The following TRPM5 variants were observed in gnomAD, a reference collection of about 807,000 sequenced individuals.
TRPM5 encodes MLSN1 and TRP-related.
In TRPM5, 121 loss-of-function variants were observed where a neutral mutation model predicts 124.9. That is an observed-to-expected ratio of 0.97 (90% CI 0.84 to 1.13). The LOEUF is 1.13. TRPM5 is among the 50% of genes most tolerant of loss of function. The pLI, the probability that TRPM5 is intolerant of heterozygous loss-of-function variation, is 0.00. For missense variants in TRPM5, 1,643 were observed against 1,589.1 expected, an observed-to-expected ratio of 1.03 and a Z score of -0.58; for synonymous variants, 781 against 700.5, an observed-to-expected ratio of 1.11 and a Z score of -1.81.
chr11:2,429,667 G>T, the TRPM5 span, among the ~76,000 whole-genome samples: 1 of 151,244 alleles, frequency 6.6e-6, no homozygotes, highest in Admixed American at 6.6e-5. The surrounding 1 kb of genome is among the most constrained non-coding windows in gnomAD (Gnocchi z 8.4). Flanking sequence ...ATCAGTGTGG[G>T]TGATGTAGTG....
chr11:2,412,500 T>A (rs1850473180), intron 15 of TRPM5, among the ~76,000 whole-genome samples: 1 of 152,244 alleles, frequency 6.6e-6, no homozygotes, highest in Non-Finnish European at 1.5e-5. Flanking sequence ...ATGCAGTGTC[T>A]GGACTCAGTC....
At chr11:2,409,073 C>T (rs752157406) in intron 18 of TRPM5, among the ~76,000 whole-genome samples, 16 of 151,882 alleles carry the variant, frequency 1.1e-4, no homozygotes, top group East Asian at 9.6e-4. Context: ...TGGAGGGGTC[C>T]GTTCTCCCTC....
At chr11:2,441,122 C>T in the TRPM5 span, among the ~76,000 whole-genome samples, 1 of 152,210 alleles carries the variant, frequency 6.6e-6, no homozygotes, top group Non-Finnish European at 1.5e-5. The surrounding 1 kb of genome is among the most constrained non-coding windows in gnomAD (Gnocchi z 7.2). Flanking sequence ...GAGAGGGTTG[C>T]CTTCCTGTTC....
upstream of TRPM5, among the ~76,000 whole-genome samples, chr11:2,427,715 T>C (rs1001610310): frequency 6.6e-6 from 1 of 152,242 alleles, no homozygotes; most frequent in African/African-American, 2.4e-5. Context: ...TGGCGATGTC[T>C]GGCGGGGTGG....
At chr11:2,407,794 A>C in exon 19 of TRPM5, 1 of 1,613,896 alleles carries the variant, frequency 6.2e-7, no homozygotes, top group Non-Finnish European at 8.5e-7. Context: ...TGAGCAGCAC[A>C]TTGGTGACCA....
At chr11:2,427,693 C>T (rs1466845584), upstream of TRPM5, among the ~76,000 whole-genome samples, 3 of 152,264 alleles carry the variant, frequency 2.0e-5, no homozygotes, top group African/African-American at 4.8e-5. Context: ...AGATTGCTGT[C>T]GTTGCCTCCT....
At chr11:2,415,600 C>T in intron 8 of TRPM5, 129 bp from the exon 14 acceptor site, 3 of 693,738 alleles carry the variant, frequency 4.3e-6, no homozygotes, top group Non-Finnish European at 4.7e-6. Context: ...CGCAGACCCT[C>T]TCGCTCTCCT....
chr11:2,409,223 C>T (rs1850391231), intron 18 of TRPM5, among the ~76,000 whole-genome samples: 1 of 152,192 alleles, frequency 6.6e-6, no homozygotes, highest in Admixed American at 6.5e-5. Context: ...AGGCCTGCCC[C>T]TCCTCTGTCC....
At chr11:2,426,478 G>A (rs908284300), upstream of TRPM5, among the ~76,000 whole-genome samples, 1 of 152,092 alleles carries the variant, frequency 6.6e-6, no homozygotes, top group Non-Finnish European at 1.5e-5. Context: ...GACAGCCAGG[G>A]GCCATCGTGA....
chr11:2,442,631 T>G, the TRPM5 span, among the ~76,000 whole-genome samples: 1 of 152,196 alleles, frequency 6.6e-6, no homozygotes, highest in Non-Finnish European at 1.5e-5. This position sits in a 1 kb window ranked among gnomAD's most constrained non-coding sequence, Gnocchi z 5.9. Context: ...TTCCTAGAAG[T>G]GGGGTTTCTG....
upstream of TRPM5, among the ~76,000 whole-genome samples, chr11:2,424,694 T>TC (rs1219428030): frequency 2.6e-5 from 4 of 152,214 alleles, no homozygotes; most frequent in African/African-American, 9.6e-5. Context: ...AGGATCCCCC[T>TC]CGAGGGCTTG....
At position 2,413,599 on chromosome 11, in the gene TRPM5, G is replaced by T; in HGVS notation, c.1891-11C>A. The T allele has an allele frequency of 6.2e-7, 1 of 1,610,032 alleles. No individual in the cohort carries two copies. Among genetic ancestry groups the T allele is most frequent in the Non-Finnish European group, 8.5e-7 (1 of 1,178,252 alleles). ...CCTGGTCAGGAAGGCCTGAGGTGAA[G>T]GCAAAACTGTCGGCTCCAACTCTGC... is the stretch of plus-strand genomic sequence containing the variant. On this transcript the variant is annotated splice_polypyrimidine_tract_variant and intron_variant, in intron 12 of 23. Transcript: ENST00000155858.
upstream of TRPM5, among the ~76,000 whole-genome samples, chr11:2,427,390 C>A (rs1234804955): frequency 1.3e-5 from 2 of 152,232 alleles, no homozygotes; most frequent in African/African-American, 4.8e-5. Flanking sequence ...CGTCTGCCTA[C>A]CTTGCAGGGT....
exon 15 of TRPM5, chr11:2,412,882 A>G: frequency 1.9e-6 from 3 of 1,598,214 alleles, no homozygotes; most frequent in Non-Finnish European, 8.5e-7. Flanking sequence ...AGGAAGGCGA[A>G]GTACATGACC....
intron 12 of TRPM5, 46 bp downstream of exon 17, chr11:2,414,015 C>CCCCCCCCCCCCCCCCCCCCA: frequency 1.3e-6 from 1 of 752,952 alleles, no homozygotes; most frequent in Non-Finnish European, 2.1e-6. Flanking sequence ...GCTCGCCCGC[C>CCCCCCCCCCCCCCCCCCCCA]CACCCCACCC....
In TRPM5 at chr11:2,414,703, C is replaced by A; in HGVS notation, c.1744+12G>T. 2.0e-6 allele frequency: 3 copies of A among 1,529,950 alleles called. No homozygotes were observed. The highest frequency in any genetic ancestry group is 8.8e-7 in the Non-Finnish European group (1 of 1,138,462). The allele number at this position is 1,529,950 out of a possible 1,614,324, so 94.8% of individuals were successfully genotyped here. ...CCGCGCGCGGGCCCGGCCCCAGCCG[C>A]CGGTCACTCACCAAGGGCCAGCCGC... On this transcript the variant is annotated intron_variant, in intron 11 of 23. Transcript: ENST00000155858.
At chr11:2,406,732 C>T (rs1850331013) in exon 21 of TRPM5, 2 of 1,613,592 alleles carry the variant, frequency 1.2e-6, no homozygotes, top group East Asian at 4.5e-5. Context: ...TCAGGAAGTT[C>T]TCCTTCTGGA....
At chr11:2,425,868 C>T (rs1260441742), upstream of TRPM5, among the ~76,000 whole-genome samples, 3 of 152,206 alleles carry the variant, frequency 2.0e-5, no homozygotes, top group Admixed American at 6.5e-5. Context: ...CCCCATGACT[C>T]TTAGGCCATA....
the TRPM5 span, among the ~76,000 whole-genome samples, chr11:2,441,178 G>A: frequency 1.3e-5 from 2 of 152,158 alleles, no homozygotes; most frequent in Admixed American, 6.5e-5. The surrounding 1 kb of genome is among the most constrained non-coding windows in gnomAD (Gnocchi z 7.2). Context: ...GGACAGCCAG[G>A]GCTGGACATG....
Sources: gnomAD v4.1 joint callset for allele counts (sites outside exome capture counted in the v4.1 genomes callset) on GRCh38, gnomAD v4.1.1 for gene constraint, Gnocchi (gnomAD v3.1) non-coding constraint, MANE v1.5 for transcripts, NCBI Gene and HGNC (gene_info 2026-07-23, HGNC 2026-07-21) for gene names.